Variants in ATL2 observed in about 807,000 individuals in gnomAD.
ATL2 encodes the protein atlastin GTPase 2.
Under a neutral mutation model 73.9 loss-of-function variants are expected in ATL2, and 31 were observed. That is an observed-to-expected ratio of 0.42 (90% CI 0.32 to 0.57). The LOEUF (loss-of-function observed/expected upper bound fraction) is 0.57, where lower values mean the gene tolerates loss of function less well. Among genes scored for constraint, ATL2 ranks in the 20% least tolerant of loss-of-function variants. The pLI is 0.14. For synonymous variants in ATL2, 291 were observed against 237.5 expected (o/e 1.23, Z -2.07); for missense variants, 738 against 702.6 (o/e 1.05, Z -0.57).
chr2:38,354,562 AAAAC>A (rs142663745), intron 1 of ATL2, among the ~76,000 whole-genome samples: 5,491 of 152,236 alleles, frequency 0.036, 129 homozygotes, highest in African/African-American at 0.063. Context: ...TAACGGCTTT[AAAAC>A]AAACAAAAAG....
At chr2:38,359,149 A>T (rs1356078747) in intron 1 of ATL2, among the ~76,000 whole-genome samples, 1 of 152,210 alleles carries the variant, frequency 6.6e-6, no homozygotes, top group Non-Finnish European at 1.5e-5. Flanking sequence ...CAACAACAAA[A>T]GACCATCCTA....
chr2:38,377,571 G>A (rs1460546413), upstream of ATL2, among the ~76,000 whole-genome samples: 1 of 151,828 alleles, frequency 6.6e-6, no homozygotes, highest in Non-Finnish European at 1.5e-5. Flanking sequence ...CCACCTCCCT[G>A]AGCTCAGCAC....
At chr2:38,323,420 T>C (rs1668434967) in intron 2 of ATL2, among the ~76,000 whole-genome samples, 1 of 131,894 alleles carries the variant, frequency 7.6e-6, no homozygotes, top group Non-Finnish European at 1.6e-5. Flanking sequence ...GGTCTTGAAC[T>C]CTTGAGCTCA....
At chr2:38,351,854 G>A (rs1670366298) in intron 1 of ATL2, among the ~76,000 whole-genome samples, 1 of 148,432 alleles carries the variant, frequency 6.7e-6, no homozygotes, top group South Asian at 2.4e-4. Flanking sequence ...GCTCACGTCT[G>A]TAATCCCAGC....
At chr2:38,377,325 C>G (rs1057121652), upstream of ATL2, 3 of 1,408,948 alleles carry the variant, frequency 2.1e-6, no homozygotes, top group South Asian at 1.4e-5. Context: ...ATCAACCTCC[C>G]GGGAGCCGGC....
rs748678157 is a variant in ATL2 at position 38,309,494 on chromosome 2, T to A, written c.956A>T (p.Asp319Val). ...FDGRLKDIDE[D>V]FKRELRNLVP... ...CAGATTTCGAAGCTCTCGTTTAAAG[T>A]CTTCATCAATATCTAGAAAACAAAA... The change falls in exon 9 of 13, where the codon GAC becomes GTC. Residue 319 changes from aspartate (D) to valine (V), a missense_variant. By Grantham distance (152) the Asp-to-Val change is radical (BLOSUM62 -3). Transcript: ENST00000378954. The A allele has an allele frequency of 5.0e-6, 8 of 1,610,058 alleles. No homozygotes were observed. The South Asian group carries it at 8.8e-5, about 18-fold the overall frequency.
intron 7 of ATL2, among the ~76,000 whole-genome samples, chr2:38,311,610 C>G (rs1047722374): frequency 6.6e-6 from 1 of 152,134 alleles, no homozygotes; most frequent in Admixed American, 6.6e-5. Flanking sequence ...CAAATACATT[C>G]TGTATGTGAT....
intron 9 of ATL2, among the ~76,000 whole-genome samples, chr2:38,306,784 G>A (rs1338823323): frequency 6.6e-6 from 1 of 152,160 alleles, no homozygotes; most frequent in Admixed American, 6.5e-5. Context: ...CCCACAGCTA[G>A]TATCTTACTG....
rs1451844776 is a variant in ATL2 at position 38,357,913 on chromosome 2, A to T, written c.119-14401T>A. Among the ~76,000 whole-genome samples the T allele has an allele frequency of 3.8e-4, 58 of 152,154 alleles. 1 individual carries two copies. Among genetic ancestry groups the T allele is most frequent in the Admixed American group, 3.8e-3 (58 of 15,272 alleles). On this transcript the variant is annotated intron_variant, in intron 1 of 12. Coordinates refer to ENST00000378954, the MANE Select transcript of ATL2 (RefSeq NM_001135673.4). ...TTTACTCATTTTAAAAATAAGAAAA[A>T]CATACAATTAAACCACTGTTTGGGG...
intron 1 of ATL2, among the ~76,000 whole-genome samples, chr2:38,343,924 C>T (rs1669873995): frequency 6.6e-6 from 1 of 152,142 alleles, no homozygotes; most frequent in Non-Finnish European, 1.5e-5. Flanking sequence ...TGAGATGTGC[C>T]TTTCACCTTC....
intron 1 of ATL2, among the ~76,000 whole-genome samples, chr2:38,364,809 C>T (rs28494715): frequency 0.12 from 18,279 of 152,166 alleles, 3,228 homozygotes; most frequent in African/African-American, 0.39. Flanking sequence ...CTTTGGGAGG[C>T]TGAGGCGGGT....
intron 1 of ATL2, chr2:38,376,385 A>C: frequency 1.8e-6 from 1 of 544,684 alleles, no homozygotes; most frequent in Non-Finnish European, 3.0e-6. Flanking sequence ...GGATCAGGTG[A>C]CTTCACACTA....
chr2:38,357,302 T>C (rs1475718222), intron 1 of ATL2, among the ~76,000 whole-genome samples: 1 of 152,054 alleles, frequency 6.6e-6, no homozygotes, highest in Non-Finnish European at 1.5e-5. Flanking sequence ...CACTCCAGCC[T>C]GGCAACAGAG....
intron 2 of ATL2, among the ~76,000 whole-genome samples, chr2:38,335,858 G>A (rs1231477098): frequency 1.3e-5 from 2 of 152,114 alleles, no homozygotes; most frequent in African/African-American, 4.8e-5. Context: ...GGCTAACACA[G>A]TGAAACCCCG....
At chr2:38,364,187 G>A (rs1203104666) in intron 1 of ATL2, among the ~76,000 whole-genome samples, 1 of 152,106 alleles carries the variant, frequency 6.6e-6, no homozygotes, top group Non-Finnish European at 1.5e-5. Context: ...ACTTGAACCC[G>A]GGAGGCAGAG....
At chr2:38,299,461 C>T (rs1377909364) in intron 10 of ATL2, 134 bp from the exon 11 acceptor site, 1 of 886,012 alleles carries the variant, frequency 1.1e-6, no homozygotes, top group Non-Finnish European at 1.6e-6. Flanking sequence ...TTTTTCTTTC[C>T]TATGCAAGGG....
At chr2:38,362,627 AG>A (rs1479283750) in intron 1 of ATL2, among the ~76,000 whole-genome samples, 1 of 152,238 alleles carries the variant, frequency 6.6e-6, no homozygotes, top group African/African-American at 2.4e-5. Flanking sequence ...CTAGAACTGG[AG>A]GTGCATAAAT....
chr2:38,337,540 T>C (rs1448810695), intron 2 of ATL2, among the ~76,000 whole-genome samples: 1 of 110,424 alleles, frequency 9.1e-6, no homozygotes, highest in Non-Finnish European at 1.9e-5. Context: ...AACTTGAAAA[T>C]TGAACACTTA....
At chr2:38,331,926 CAACT>C (rs1471975068) in intron 2 of ATL2, among the ~76,000 whole-genome samples, 1 of 151,576 alleles carries the variant, frequency 6.6e-6, no homozygotes, top group African/African-American at 2.4e-5. Context: ...GCAAACAAAC[CAACT>C]GTCCATTAAC....
Sources: allele counts gnomAD v4.1 joint callset (sites outside exome capture counted in the v4.1 genomes callset), GRCh38; gene constraint gnomAD v4.1.1; transcripts MANE v1.5; gene names NCBI Gene and HGNC (gene_info 2026-07-23, HGNC 2026-07-21).